FER: variants seen among roughly 807,000 people sequenced by gnomAD.
FER encodes the protein tyrosine-protein kinase Fer.
Under a neutral mutation model 111.0 loss-of-function variants are expected in FER, and 63 were observed. The ratio of observed to expected loss-of-function variants is 0.57; its 90% confidence interval spans 0.46 to 0.70. FER has a LOEUF of 0.70. FER is among the 30% of genes least tolerant of loss of function. FER has a pLI of 0.00. For synonymous variants in FER, 327 were observed against 313.9 expected, an observed-to-expected ratio of 1.04 and a Z score of -0.44; for missense variants, 914 against 954.0, an observed-to-expected ratio of 0.96 and a Z score of 0.55.
At chr5:108,793,525 G>GGGGC (rs1420510508) in intron 2 of FER, among the ~76,000 whole-genome samples, 7 of 136,732 alleles carry the variant, frequency 5.1e-5, no homozygotes, top group Non-Finnish European at 4.7e-5. Flanking sequence ...GGGGCGGGGG[G>GGGGC]GGTGGTTATA....
chr5:108,985,186 T>G (rs1463422028), intron 13 of FER, among the ~76,000 whole-genome samples: 1 of 152,138 alleles, frequency 6.6e-6, no homozygotes, highest in Non-Finnish European at 1.5e-5. Context: ...CTAAAATTGT[T>G]TTTAAAAATA....
chr5:109,190,820 G>C lies in FER; in HGVS notation c.*3245G>C, dbSNP rs1161045695. The C allele has an allele frequency of 2.0e-5, 3 of 152,140 alleles. No homozygotes were observed. The highest frequency in any genetic ancestry group is 6.5e-5 in the Admixed American group (1 of 15,278). 9.4% of individuals were successfully genotyped at this position (152,140 alleles called of 1,614,324 possible). On this transcript the variant is annotated 3_prime_UTR_variant, in exon 20 of 20. Coordinates refer to ENST00000281092, the MANE Select transcript of FER (RefSeq NM_005246.4). ...GTTTTATTACAAATACGATATTACT[G>C]AAACATCTTATTAGCAGATAAGTAT... is the stretch of plus-strand genomic sequence containing the variant.
At chr5:108,764,501 G>A (rs558058068) in intron 1 of FER, among the ~76,000 whole-genome samples, 26 of 152,142 alleles carry the variant, frequency 1.7e-4, no homozygotes, top group African/African-American at 4.6e-4. Context: ...GTGTTCAAGC[G>A]ATTCTCCTGC....
At chr5:109,166,178 C>A (rs1756538886) in intron 17 of FER, among the ~76,000 whole-genome samples, 1 of 151,656 alleles carries the variant, frequency 6.6e-6, no homozygotes, top group African/African-American at 2.4e-5. Flanking sequence ...CATAGGGTTT[C>A]CATCTTGTCT....
chr5:109,186,424 G>T (rs1458503293), intron 19 of FER, 102 bp downstream of exon 19: 1 of 1,549,406 alleles, frequency 6.5e-7, no homozygotes, highest in Non-Finnish European at 8.8e-7. Flanking sequence ...ATACTGTTTG[G>T]TTGTGTTATG....
At chr5:109,052,452 A>G in intron 16 of FER, 1 of 1,243,446 alleles carries the variant, frequency 8.0e-7, no homozygotes, top group Non-Finnish European at 1.2e-6. Flanking sequence ...TGCTCCAGTC[A>G]CGCATGTTGC....
chr5:109,031,213 C>A (rs1013144134), intron 13 of FER, among the ~76,000 whole-genome samples: 1 of 152,140 alleles, frequency 6.6e-6, no homozygotes, highest in Admixed American at 6.6e-5. Context: ...AAACTGCCTT[C>A]TGTTGTGGCG....
intron 3 of FER, among the ~76,000 whole-genome samples, chr5:108,810,210 T>A (rs1212615693): frequency 3.9e-5 from 6 of 152,242 alleles, no homozygotes; most frequent in Non-Finnish European, 8.8e-5. Flanking sequence ...GGTTTTATAC[T>A]GGGCTTTTGT....
At chr5:109,174,135 A>C (rs755603776) in intron 17 of FER, among the ~76,000 whole-genome samples, 9 of 152,188 alleles carry the variant, frequency 5.9e-5, no homozygotes, top group Non-Finnish European at 1.0e-4. Context: ...ATGGGCACAG[A>C]ACTTGCCAGA....
At chr5:108,785,735 A>C (rs1056603491) in intron 2 of FER, among the ~76,000 whole-genome samples, 1 of 152,102 alleles carries the variant, frequency 6.6e-6, no homozygotes, top group African/African-American at 2.4e-5. Context: ...AGGGACATCT[A>C]TTCTATTCTG....
intron 13 of FER, among the ~76,000 whole-genome samples, chr5:109,005,908 A>G (rs886369616): frequency 1.3e-5 from 2 of 152,354 alleles, no homozygotes; most frequent in East Asian, 3.9e-4. Flanking sequence ...AGTATAACTT[A>G]AGACAAATTT....
chr5:108,994,780 T>C (rs1200054759), intron 13 of FER, among the ~76,000 whole-genome samples: 1 of 152,216 alleles, frequency 6.6e-6, no homozygotes, highest in Non-Finnish European at 1.5e-5. Context: ...TCCTCTCTTA[T>C]TTCCTTGAGC....
chr5:109,018,584 G>C (rs142678241), intron 13 of FER, among the ~76,000 whole-genome samples: 29 of 151,862 alleles, frequency 1.9e-4, no homozygotes, highest in African/African-American at 6.7e-4. Context: ...TTATCAGTCT[G>C]AGCTTCCATT....
At chr5:109,045,064 A>C (rs568177192) in intron 15 of FER, among the ~76,000 whole-genome samples, 2 of 152,088 alleles carry the variant, frequency 1.3e-5, no homozygotes, top group Admixed American at 6.6e-5. Context: ...ATATATGTAT[A>C]TATGCAATAC....
At chr5:109,044,915 T>C in intron 15 of FER, 120 bp downstream of exon 15, 1 of 524,906 alleles carries the variant, frequency 1.9e-6, no homozygotes, top group Non-Finnish European at 3.3e-6. Context: ...ACTTTTACAG[T>C]ATGGAATCCA....
chr5:108,942,995 A>G (rs1756480857), intron 10 of FER, among the ~76,000 whole-genome samples: 1 of 152,170 alleles, frequency 6.6e-6, no homozygotes, highest in South Asian at 2.1e-4. Flanking sequence ...GTTCTGTCCA[A>G]GAATGTTATT....
chr5:109,015,330 C>T (rs1284172461), intron 13 of FER, among the ~76,000 whole-genome samples: 1 of 151,866 alleles, frequency 6.6e-6, no homozygotes, highest in Non-Finnish European at 1.5e-5. Flanking sequence ...TCAAATAATA[C>T]TTTCTTTTAA....
intron 16 of FER, among the ~76,000 whole-genome samples, chr5:109,055,257 T>C (rs1193492091): frequency 6.6e-6 from 1 of 152,182 alleles, no homozygotes; most frequent in Admixed American, 6.5e-5. Context: ...GCCTTGGTGA[T>C]GATTTTTTGG....
At chr5:109,079,508 G>C (rs551224192) in intron 16 of FER, among the ~76,000 whole-genome samples, 3 of 152,242 alleles carry the variant, frequency 2.0e-5, no homozygotes, top group African/African-American at 7.2e-5. Flanking sequence ...TATTTACTGA[G>C]TGAATGAATT....
Sources: allele counts gnomAD v4.1 joint callset (sites outside exome capture counted in the v4.1 genomes callset), GRCh38; gene constraint gnomAD v4.1.1; transcripts MANE v1.5; gene names NCBI Gene and HGNC (gene_info 2026-07-23, HGNC 2026-07-21).